The following ESF1 variants were observed in gnomAD, a reference collection of about 807,000 sequenced individuals.
ESF1 encodes ESF1 homolog.
In ESF1, 58 loss-of-function variants were observed where a neutral mutation model predicts 92.0. The observed-to-expected ratio is 0.63, with a 90% CI of 0.51 to 0.78. The LOEUF is 0.78. Among genes scored for constraint, ESF1 ranks in the 30% least tolerant of loss-of-function variants. The pLI, the probability that ESF1 is intolerant of heterozygous loss-of-function variation, is 0.00. For missense variants in ESF1, 922 were observed against 989.1 expected, an observed-to-expected ratio of 0.93 and a Z score of 0.91; for synonymous variants, 321 against 313.7, an observed-to-expected ratio of 1.02 and a Z score of -0.24.
intron 11 of ESF1, among the ~76,000 whole-genome samples, chr20:13,719,894 A>C (rs990383264): frequency 2.0e-5 from 3 of 152,322 alleles, no homozygotes; most frequent in South Asian, 2.1e-4. Flanking sequence ...AGTTTTAAAA[A>C]ACGCTTTCTC....
At chr20:13,731,647 G>A (rs1187747551) in intron 10 of ESF1, among the ~76,000 whole-genome samples, 1 of 152,154 alleles carries the variant, frequency 6.6e-6, no homozygotes. Context: ...TACCCCACGT[G>A]GTGTTACATA....
intron 9 of ESF1, among the ~76,000 whole-genome samples, chr20:13,748,592 A>ATGTGTGTGTATATATATATATTTTTT (rs1331098586): frequency 2.2e-4 from 21 of 95,740 alleles, no homozygotes; most frequent in Admixed American, 9.9e-5. Context: ...ATATATATAT[A>ATGTGTGTGTATATATATATATTTTTT]TTTTTTTTTT....
chr20:13,718,881 A>G (rs1338245726), intron 12 of ESF1, 27 bp downstream of exon 12: 1 of 1,531,262 alleles, frequency 6.5e-7, no homozygotes, highest in Non-Finnish European at 8.9e-7. Context: ...ATTATCCACT[A>G]AGCATGTAAC....
At chr20:13,741,632 T>TA (rs957834373) in intron 9 of ESF1, among the ~76,000 whole-genome samples, 2 of 151,922 alleles carry the variant, frequency 1.3e-5, no homozygotes, top group Non-Finnish European at 2.9e-5. Flanking sequence ...TACCTCATAT[T>TA]AAAAAAAACA....
intron 9 of ESF1, among the ~76,000 whole-genome samples, chr20:13,746,587 C>A (rs2050050520): frequency 6.6e-6 from 1 of 152,132 alleles, no homozygotes. Flanking sequence ...TTTGAAAAAT[C>A]CACCTGTAAA....
Position 13,717,420 on chromosome 20 carries a change from T to C in ESF1, c.2210A>G (p.Lys737Arg), listed in dbSNP as rs1338965014. The change falls in exon 13 of 14, where the codon AAG (lysine) becomes AGG (arginine). Residue 737 changes from lysine (K) to arginine (R), a missense_variant. Physicochemically the swap from Lys to Arg is conservative, Grantham distance 26. Coordinates refer to ENST00000617257, the MANE Select transcript of ESF1 (RefSeq NM_001276380.2). Reference protein sequence around the residue: ...KIVEHQNLSKKKKKQLMKKKE... With the variant: ...KIVEHQNLSKRKKKQLMKKKE... Reference sequence around the variant, plus strand: ...CTTTTTCATGAGCTGCTTTTTCTTCTTTTTGCTCAGATTCTGGTGCTCCAC... The same window carrying C: ...CTTTTTCATGAGCTGCTTTTTCTTCCTTTTGCTCAGATTCTGGTGCTCCAC... The C allele has an allele frequency of 1.9e-6, 3 of 1,614,050 alleles. No homozygotes were observed. The Admixed American group carries it at 5.0e-5, about 27-fold the overall frequency.
At chr20:13,751,974 G>A (rs567389340) in intron 9 of ESF1, among the ~76,000 whole-genome samples, 2 of 151,772 alleles carry the variant, frequency 1.3e-5, no homozygotes, top group Non-Finnish European at 2.9e-5. Flanking sequence ...CAGCCCAGGC[G>A]ACAGAAGAAT....
At chr20:13,742,259 T>C (rs1344232823) in intron 9 of ESF1, among the ~76,000 whole-genome samples, 1 of 152,090 alleles carries the variant, frequency 6.6e-6, no homozygotes, top group Non-Finnish European at 1.5e-5. Flanking sequence ...TCCCAGCTAC[T>C]TGGGAGTTTG....
rs374648931 is a variant in ESF1 at position 13,782,826 on chromosome 20, G to A, written c.315C>T (p.Ile105=). ...KKKKTQTKKE[I]DSKNLVEKKK... ...TTTTCTCAACTAGATTTTTTGAATC[G>A]ATTTCTTTTTTAGTCTGGGTTTTTT... The change falls in exon 2 of 14, where the codon ATC becomes ATT. Residue 105 remains isoleucine (I), a synonymous_variant. Transcript: ENST00000617257. The A allele has an allele frequency of 1.1e-4, 182 of 1,603,008 alleles. 2 individuals are homozygous for A. In the South Asian group the frequency reaches 1.9e-3, roughly 17 times the overall value.
At chr20:13,771,284 T>C in intron 6 of ESF1, 47 bp downstream of exon 6, 1 of 1,515,730 alleles carries the variant, frequency 6.6e-7, no homozygotes, top group South Asian at 1.2e-5. Context: ...CTTCTTATAA[T>C]CATGTTGTAC....
At chr20:13,753,475 C>CT (rs1463563996) in intron 9 of ESF1, among the ~76,000 whole-genome samples, 1 of 150,340 alleles carries the variant, frequency 6.7e-6, no homozygotes, top group African/African-American at 2.5e-5. Flanking sequence ...TTGTAGATAT[C>CT]TTTTTTGTAA....
At chr20:13,748,747 G>A (rs1345259658) in intron 9 of ESF1, among the ~76,000 whole-genome samples, 1 of 150,898 alleles carries the variant, frequency 6.6e-6, no homozygotes, top group African/African-American at 2.4e-5. Flanking sequence ...CCACTAGGCC[G>A]GCTAATTTTT....
intron 9 of ESF1, among the ~76,000 whole-genome samples, chr20:13,739,792 G>C (rs1422790188): frequency 6.6e-6 from 1 of 152,012 alleles, no homozygotes; most frequent in African/African-American, 2.4e-5. Context: ...TTTCCTTGGG[G>C]ACAAACACTG....
At chr20:13,748,617 T>C (rs1393037767) in intron 9 of ESF1, among the ~76,000 whole-genome samples, 1 of 145,234 alleles carries the variant, frequency 6.9e-6, no homozygotes, top group Non-Finnish European at 1.5e-5. Context: ...AGATGGAGTG[T>C]TGCTCTGTTC....
chr20:13,758,659 A>G (rs770510748), intron 9 of ESF1, among the ~76,000 whole-genome samples: 1 of 152,246 alleles, frequency 6.6e-6, no homozygotes, highest in Admixed American at 6.5e-5. Context: ...GTATTCCTAC[A>G]ACTGGTTAGT....
intron 9 of ESF1, among the ~76,000 whole-genome samples, chr20:13,739,809 T>C (rs1219352525): frequency 1.3e-5 from 2 of 151,640 alleles, no homozygotes; most frequent in African/African-American, 4.8e-5. Context: ...ACTGATCTGC[T>C]ATGGTCTTAT....
intron 9 of ESF1, among the ~76,000 whole-genome samples, chr20:13,737,917 A>G (rs1331782716): frequency 6.6e-6 from 1 of 152,156 alleles, no homozygotes; most frequent in Non-Finnish European, 1.5e-5. Flanking sequence ...CGGCTTCCCA[A>G]AGTGCTAGGA....
In ESF1 at chr20:13,736,303, A is replaced by G. The variant is rs80173644; in HGVS notation, c.1829-2461T>C. On this transcript the variant is annotated intron_variant, in intron 9 of 13. Coordinates refer to ENST00000617257, the MANE Select transcript of ESF1 (RefSeq NM_001276380.2). ...AAAATGTCTCCAGACATTGCCAAAT[A>G]TCCTCTTGGGGGGCAAAATTACCTC... is the stretch of plus-strand genomic sequence containing the variant. Among the ~76,000 whole-genome samples, 651 of 152,220 alleles carry G rather than the reference A, an allele frequency of 4.3e-3. 3 individuals carry two copies. Among genetic ancestry groups the G allele is most frequent in the African/African-American group, 0.015 (614 of 41,556 alleles).
chr20:13,734,612 TGATCTATC>T (rs2049964451), intron 9 of ESF1, among the ~76,000 whole-genome samples: 4 of 152,212 alleles, frequency 2.6e-5, no homozygotes, highest in Non-Finnish European at 5.9e-5. Flanking sequence ...GCCCTAAGGC[TGATCTATC>T]CATTTACAAA....
Sources: allele counts gnomAD v4.1 joint callset (sites outside exome capture counted in the v4.1 genomes callset), GRCh38; gene constraint gnomAD v4.1.1; transcripts MANE v1.5; gene names NCBI Gene and HGNC (gene_info 2026-07-23, HGNC 2026-07-21).